The following SND1 variants were observed in gnomAD, a reference collection of about 807,000 sequenced individuals.
SND1 encodes staphylococcal nuclease and tudor domain containing 1, also known as staphylococcal nuclease domain-containing protein 1.
SND1 carries 38 observed loss-of-function variants against 121.7 expected under a neutral mutation model. The observed-to-expected ratio is 0.31, with a 90% CI of 0.24 to 0.41. The LOEUF (loss-of-function observed/expected upper bound fraction) is 0.41, where lower values mean the gene tolerates loss of function less well. Ranked by LOEUF, SND1 falls within the 10% of genes least tolerant of loss-of-function variation. The pLI is 1.00. For missense variants in SND1, 868 were observed against 1,184.6 expected, an observed-to-expected ratio of 0.73 and a Z score of 3.92; for synonymous variants, 401 against 447.4, an observed-to-expected ratio of 0.90 and a Z score of 1.31.
intron 14 of SND1, among the ~76,000 whole-genome samples, chr7:127,923,741 T>C (rs1800766839): frequency 6.6e-6 from 1 of 152,176 alleles, no homozygotes; most frequent in African/African-American, 2.4e-5. Flanking sequence ...GCCACAAAAG[T>C]AATTCTCCTG....
At chr7:127,858,266 G>T (rs1350426152) in intron 12 of SND1, 14 of 802,100 alleles carry the variant, frequency 1.7e-5, no homozygotes, top group Non-Finnish European at 3.0e-5. Context: ...GGCCAATTCG[G>T]AGAGCCGGTC....
At chr7:127,997,210 G>A (rs1394906122) in intron 16 of SND1, among the ~76,000 whole-genome samples, 5 of 152,114 alleles carry the variant, frequency 3.3e-5, no homozygotes, top group Admixed American at 6.5e-5. Context: ...CAAATCAAAT[G>A]CTTTTTCTCC....
intron 10 of SND1, among the ~76,000 whole-genome samples, chr7:127,801,680 C>T (rs945174802): frequency 1.3e-5 from 2 of 152,178 alleles, no homozygotes; most frequent in African/African-American, 4.8e-5. Flanking sequence ...ACCCAAAAAC[C>T]TTATCTTCGC....
At chr7:127,892,134 T>C (rs1433862612) in intron 13 of SND1, among the ~76,000 whole-genome samples, 1 of 152,074 alleles carries the variant, frequency 6.6e-6, no homozygotes, top group Non-Finnish European at 1.5e-5. Flanking sequence ...CAGAGAAACA[T>C]TGTAAGCTTT....
chr7:127,770,869 A>G (rs770045458), intron 10 of SND1, among the ~76,000 whole-genome samples: 6 of 152,214 alleles, frequency 3.9e-5, no homozygotes, highest in Non-Finnish European at 8.8e-5. Flanking sequence ...ATGTTTCTGT[A>G]AAAGTGCCCA....
chr7:127,850,684 C>T (rs753687494), intron 12 of SND1, among the ~76,000 whole-genome samples: 37 of 152,262 alleles, frequency 2.4e-4, no homozygotes, highest in African/African-American at 5.5e-4. Context: ...CCAAACCTTC[C>T]GCCTTCCCAA....
Position 128,015,377 on chromosome 7 carries a change from C to T in SND1, c.1779+24321C>T, listed in dbSNP as rs1803204339. Among the ~76,000 whole-genome samples, 1 of 152,202 alleles carries T rather than the reference C, an allele frequency of 6.6e-6. No homozygotes were observed. Among genetic ancestry groups the T allele is most frequent in the Non-Finnish European group, 1.5e-5 (1 of 68,040 alleles). On this transcript the variant is annotated intron_variant, in intron 16 of 23. Coordinates refer to ENST00000354725, the MANE Select transcript of SND1 (RefSeq NM_014390.4). The surrounding 1 kb of genome is among the most constrained non-coding windows in gnomAD (Gnocchi z 4.5). ...TTCATATTTTGCAGAAAACACTTTC[C>T]AGCCTTCATCAGCGCTAATCTGTTT...
Position 127,701,321 on chromosome 7 carries a change from A to G in SND1, c.587A>G (p.Asn196Ser). Residue 196 changes from asparagine to serine, a missense_variant and splice_region_variant, in exon 5 of 24, where the codon AAT becomes AGT. Physicochemically the swap from Asn to Ser is conservative, Grantham distance 46. Around this residue, in one of 2 missense-constraint regions of SND1, gnomAD observed 743 missense variants for 1,071.3 expected, o/e 0.69. Coordinates refer to ENST00000354725, the MANE Select transcript of SND1 (RefSeq NM_014390.4). ...FVDSHHQKPVNAIIEHVRDGS... is the reference protein window; with the variant it reads ...FVDSHHQKPVSAIIEHVRDGS... ...GACTCACACCACCAGAAGCCTGTTA[A>G]TGGTGAGGCTGGTGGGAACAGACAG... The G allele has an allele frequency of 6.2e-7, 1 of 1,613,774 alleles. No homozygotes were observed. The highest frequency in any genetic ancestry group is 8.5e-7 in the Non-Finnish European group (1 of 1,179,790).
rs1409248912 is a variant in SND1 at position 127,655,780 on chromosome 7, A to G, written c.78+3329A>G. Among the ~76,000 whole-genome samples, 4 of 152,052 alleles carry G rather than the reference A, an allele frequency of 2.6e-5. No homozygotes were observed. The East Asian group carries it at 7.7e-4, about 29-fold the overall frequency. On this transcript the variant is annotated intron_variant, in intron 1 of 23. Transcript: ENST00000354725. ...TTGAGTCACCCCCCTTAGCTTTGAGATGGCTATTTTCTCTGGTTTTACTGA... is the reference window on the plus strand; with the variant it reads ...TTGAGTCACCCCCCTTAGCTTTGAGGTGGCTATTTTCTCTGGTTTTACTGA...
chr7:127,814,342 T>A (rs989505139), intron 11 of SND1, among the ~76,000 whole-genome samples: 1 of 152,130 alleles, frequency 6.6e-6, no homozygotes, highest in Non-Finnish European at 1.5e-5. Flanking sequence ...ATAACCCTTA[T>A]GTGCCAAAAA....
At chr7:127,753,557 C>T (rs539486193) in intron 10 of SND1, among the ~76,000 whole-genome samples, 5 of 151,988 alleles carry the variant, frequency 3.3e-5, no homozygotes, top group East Asian at 1.9e-4. Flanking sequence ...GGTTACATAA[C>T]GCAACTGAGA....
intron 10 of SND1, among the ~76,000 whole-genome samples, chr7:127,727,170 A>G (rs1200130167): frequency 6.6e-6 from 1 of 152,216 alleles, no homozygotes; most frequent in East Asian, 1.9e-4. Context: ...TAAAGCTGCC[A>G]TATGCTGAAG....
intron 10 of SND1, among the ~76,000 whole-genome samples, chr7:127,806,698 G>A (rs1036416757): frequency 6.6e-6 from 1 of 152,218 alleles, no homozygotes; most frequent in African/African-American, 2.4e-5. Context: ...GCTCAGGCCT[G>A]TAATCCCAGC....
At chr7:127,653,024 T>G (rs1170445401) in intron 1 of SND1, among the ~76,000 whole-genome samples, 2 of 152,220 alleles carry the variant, frequency 1.3e-5, no homozygotes, top group African/African-American at 4.8e-5. Context: ...GGCAAGAATC[T>G]TAGTAATCAT....
chr7:127,881,205 C>T (rs2116717693), intron 12 of SND1, among the ~76,000 whole-genome samples: 2 of 152,220 alleles, frequency 1.3e-5, no homozygotes, highest in South Asian at 4.1e-4. Flanking sequence ...TACTGCTCCT[C>T]AAAGAATTAC....
intron 16 of SND1, among the ~76,000 whole-genome samples, chr7:128,062,504 T>C (rs1793247836): frequency 6.6e-6 from 1 of 152,176 alleles, no homozygotes; most frequent in African/African-American, 2.4e-5. Context: ...GGGATGGGCA[T>C]GTGTTTGGTT....
intron 15 of SND1, among the ~76,000 whole-genome samples, chr7:127,984,316 G>C (rs1039315191): frequency 6.6e-6 from 1 of 152,196 alleles, no homozygotes; most frequent in African/African-American, 2.4e-5. Flanking sequence ...TTCTCTAAAT[G>C]TGCCAATTTA....
intron 10 of SND1, among the ~76,000 whole-genome samples, chr7:127,744,407 C>T (rs777631215): frequency 6.6e-5 from 10 of 152,014 alleles, no homozygotes; most frequent in African/African-American, 9.7e-5. Flanking sequence ...AACATTTACT[C>T]GCTAGGTACG....
At chr7:127,786,426 C>A (rs1797814061) in intron 10 of SND1, among the ~76,000 whole-genome samples, 1 of 152,160 alleles carries the variant, frequency 6.6e-6, no homozygotes, top group African/African-American at 2.4e-5. Flanking sequence ...TCCTTGTTAA[C>A]TATGTATTCT....
Sources: allele counts gnomAD v4.1 joint callset (sites outside exome capture counted in the v4.1 genomes callset), GRCh38; gene constraint gnomAD v4.1.1; regional missense constraint gnomAD v4.1.1; non-coding constraint Gnocchi (gnomAD v3.1); transcripts MANE v1.5; gene names NCBI Gene and HGNC (gene_info 2026-07-23, HGNC 2026-07-21).